Variants in EP300 observed in about 807,000 individuals in gnomAD.
EP300 encodes histone acetyltransferase p300.
A neutral mutation model predicts 264.0 loss-of-function variants in EP300; 31 were observed. The ratio of observed to expected loss-of-function variants is 0.12; its 90% CI spans 0.09 to 0.16. The LOEUF (loss-of-function observed/expected upper bound fraction) is 0.16. Among genes scored for constraint, EP300 ranks in the 10% least tolerant of loss-of-function variants. The pLI, the probability that EP300 is intolerant of heterozygous loss-of-function variation, is 1.00. For synonymous variants in EP300, 1,340 were observed against 1,045.4 expected (o/e 1.28, Z -5.44); for missense variants, 2,766 against 3,052.9 (o/e 0.91, Z 2.21).
At chr22:41,163,699 A>G (rs1185842400) in intron 21 of EP300, among the ~76,000 whole-genome samples, 2 of 151,998 alleles carry the variant, frequency 1.3e-5, no homozygotes. Flanking sequence ...GTGAGCTGAT[A>G]TGACGCCACT....
rs773606189 is a variant in EP300 at position 41,125,904 on chromosome 22, ATACTCAGAATCC to A, written c.772_783del (p.Thr258_Pro261del). 14 of 1,614,248 alleles carry A rather than the reference ATACTCAGAATCC, an allele frequency of 8.7e-6. No individual in the cohort carries two copies. The South Asian group carries it at 1.1e-4, about 13-fold the overall frequency. ...AACCCCAATCCTTATGGTTCACCATATACTCAGAATCCTGGACAGCAGATTGGAGCCAGTGGC... is the reference window on the plus strand; with the variant it reads ...AACCCCAATCCTTATGGTTCACCATATGGACAGCAGATTGGAGCCAGTGGC... On this transcript the variant is annotated inframe_deletion, in exon 3 of 31. Coordinates refer to ENST00000263253, the MANE Select transcript of EP300 (RefSeq NM_001429.4).
chr22:41,142,091 C>A (rs992349254), intron 10 of EP300, among the ~76,000 whole-genome samples: 1 of 152,160 alleles, frequency 6.6e-6, no homozygotes, highest in African/African-American at 2.4e-5. Flanking sequence ...CTTACTCAAT[C>A]GTTGACTTAT....
intron 1 of EP300, among the ~76,000 whole-genome samples, chr22:41,095,678 T>C (rs953153131): frequency 6.6e-6 from 1 of 152,164 alleles, no homozygotes; most frequent in African/African-American, 2.4e-5. Flanking sequence ...CTTGGGTATT[T>C]TATAAATGTG....
chr22:41,178,043 C>T lies in EP300; in HGVS notation c.6332C>T (p.Pro2111Leu). 3 of 1,614,162 alleles carry T rather than the reference C, an allele frequency of 1.9e-6. No homozygotes were observed. The highest frequency in any genetic ancestry group is 2.2e-5 in the South Asian group (2 of 91,082). ...CAGCCTGGCATGCCCCAGGGGCAGC[C>T]AGGGCTACAGCCACCTACCATGCCA... ...PGQPGMPQGQPGLQPPTMPGQ... is the reference protein window; with the variant it reads ...PGQPGMPQGQLGLQPPTMPGQ... The change falls in exon 31 of 31, where the codon CCA becomes CTA. Residue 2111 changes from proline (P) to leucine (L), a missense_variant. Physicochemically the swap from Pro to Leu is moderately conservative, Grantham distance 98. Transcript: ENST00000263253.
intron 1 of EP300, among the ~76,000 whole-genome samples, chr22:41,105,163 C>G (rs1329544815): frequency 8.0e-6 from 1 of 124,280 alleles, no homozygotes; most frequent in East Asian, 2.7e-4. Flanking sequence ...TGCCACTGCA[C>G]TCCAGCCTAG....
At chr22:41,099,954 C>T (rs1362418205) in intron 1 of EP300, among the ~76,000 whole-genome samples, 6 of 152,184 alleles carry the variant, frequency 3.9e-5, no homozygotes, top group East Asian at 3.8e-4. Flanking sequence ...TTGTGGCTCA[C>T]GCCTGTAATC....
At chr22:41,144,275 T>C (rs9611505) in intron 10 of EP300, among the ~76,000 whole-genome samples, 37,959 of 152,112 alleles carry the variant, frequency 0.25, 5,596 homozygotes, top group Admixed American at 0.43. Flanking sequence ...TTAATGCATA[T>C]AGTTTGCATT....
At position 41,173,589 on chromosome 22, in the gene EP300, C is replaced by G. The variant is rs1227814625; in HGVS notation, c.4618-34C>G. ...TATTCCCAAATTACTTAACAAAAAC[C>G]TTATTTTCTTGTCTCCTTTGTGCTA... is the stretch of plus-strand genomic sequence containing the variant. On this transcript the variant is annotated intron_variant, in intron 28 of 30. Coordinates refer to ENST00000263253, the MANE Select transcript of EP300 (RefSeq NM_001429.4). The G allele has an allele frequency of 3.1e-6, 5 of 1,611,548 alleles. No individual in the cohort carries two copies. The South Asian group carries it at 5.5e-5, about 18-fold the overall frequency.
At chr22:41,115,628 C>T (rs2058816669) in intron 1 of EP300, among the ~76,000 whole-genome samples, 1 of 152,102 alleles carries the variant, frequency 6.6e-6, no homozygotes, top group South Asian at 2.1e-4. Context: ...CAGGGTCTTG[C>T]TGTGTTGACC....
rs199679406 is a variant in EP300 at position 41,141,134 on chromosome 22, G to A, written c.1965G>A (p.Gln655=). The change falls in exon 10 of 31, where the codon CAG becomes CAA. Residue 655 remains glutamine (Q), a synonymous_variant. Transcript: ENST00000263253. ...AACGAAGGACCAGACTACAGAAGCA[G>A]AACATGCTACCAAATGCTGCAGGCA... ...EEKRRTRLQK[Q]NMLPNAAGMV... is the part of the protein sequence containing the mutation. The A allele has an allele frequency of 5.6e-6, 9 of 1,614,168 alleles. No homozygotes were observed. In the Admixed American group the frequency reaches 1.3e-4, roughly 24 times the overall value.
chr22:41,137,685 C>G lies in EP300; in HGVS notation c.1655C>G (p.Ser552Cys). The change falls in exon 8 of 31, where the codon TCC becomes TGC. Residue 552 changes from serine to cysteine, a missense_variant. By Grantham distance (112) the Ser-to-Cys change is moderately radical. Transcript: ENST00000263253. ...ATGAGTGAAAATGCCAGTGTGCCCT[C>G]CCTGGGTCCTATGCCAACAGCAGCT... ...PMMSENASVP[S>C]LGPMPTAAQP... The G allele has an allele frequency of 6.2e-7, 1 of 1,614,174 alleles. No homozygotes were observed. The highest frequency in any genetic ancestry group is 8.5e-7 in the Non-Finnish European group (1 of 1,180,036).
chr22:41,174,709 T>C (rs1227735072), intron 29 of EP300: 1 of 152,140 alleles, frequency 6.6e-6, no homozygotes, highest in African/African-American at 2.4e-5. Context: ...CATTTTACTA[T>C]CTCGGTTCTC....
intron 1 of EP300, among the ~76,000 whole-genome samples, chr22:41,105,547 T>C (rs1159333904): frequency 1.3e-5 from 2 of 151,500 alleles, no homozygotes; most frequent in East Asian, 4.0e-4. Context: ...TATAGGCACA[T>C]GCCACCACAG....
chr22:41,157,043 T>C, intron 17 of EP300, 126 bp from the exon 18 acceptor site: 1 of 1,131,774 alleles, frequency 8.8e-7, no homozygotes, highest in South Asian at 1.3e-5. Context: ...AGTCACCTCT[T>C]GGGGAATATA....
rs752128445 is a variant in EP300, at chr22:41,158,403, C to T, written c.3502-9C>T. 6.2e-7 allele frequency: 1 copy of T among 1,613,666 alleles called. No individual in the cohort carries two copies. ...CTCTGTGCTTTTTAACAAATGGTTT[C>T]TTTTGCAGTTGGAGTTCTCTCCACA... On this transcript the variant is annotated splice_polypyrimidine_tract_variant and intron_variant, in intron 18 of 30. Coordinates refer to ENST00000263253, the MANE Select transcript of EP300 (RefSeq NM_001429.4).
At chr22:41,161,973 C>T (rs901992425) in intron 20 of EP300, among the ~76,000 whole-genome samples, 4 of 152,150 alleles carry the variant, frequency 2.6e-5, no homozygotes, top group South Asian at 2.1e-4. Context: ...CAGGAAGAGA[C>T]GTAAGCCTTG....
intron 10 of EP300, among the ~76,000 whole-genome samples, chr22:41,145,986 T>C (rs1403577301): frequency 1.3e-5 from 2 of 152,082 alleles, no homozygotes; most frequent in African/African-American, 2.4e-5. Flanking sequence ...TGGTATAATA[T>C]GCATATTATT....
Position 41,169,554 on chromosome 22 carries a change from C to T in EP300, c.4224C>T (p.Cys1408=), listed in dbSNP as rs2145765126. Residue 1408 remains cysteine, a synonymous_variant, in exon 26 of 31, where the codon TGC becomes TGT. Transcript: ENST00000263253. ...GTGTTCATTTCTTCCGTCCTAAATG[C>T]TTGAGGACTGCAGTCTATCATGAAA... The part of the protein sequence containing the change: ...LDSVHFFRPK[C]LRTAVYHEIL... 1 of 1,609,926 alleles carries T rather than the reference C, an allele frequency of 6.2e-7. No homozygotes were observed. The highest frequency in any genetic ancestry group is 8.5e-7 in the Non-Finnish European group (1 of 1,178,004).
chr22:41,114,824 G>GAA lies in EP300; in HGVS notation c.95-2353_95-2352dup, dbSNP rs11387442. On this transcript the variant is annotated intron_variant, in intron 1 of 30. Coordinates refer to ENST00000263253, the MANE Select transcript of EP300 (RefSeq NM_001429.4). The stretch of plus-strand genomic sequence containing the variant: ...GATACAGAAGGAGCAGGATTGGGAA[G>GAA]AAAAAAAAAAACTACAAGAAGAGGA... Among the ~76,000 whole-genome samples the GAA allele has an allele frequency of 3.0e-3, 445 of 147,696 alleles. 2 individuals carry two copies. Among genetic ancestry groups the GAA allele is most frequent in the Admixed American group, 3.8e-3 (56 of 14,858 alleles).
Sources: allele counts gnomAD v4.1 joint callset (sites outside exome capture counted in the v4.1 genomes callset), GRCh38; gene constraint gnomAD v4.1.1; transcripts MANE v1.5; gene names NCBI Gene and HGNC (gene_info 2026-07-23, HGNC 2026-07-21).